NEBL: variants seen among roughly 807,000 people sequenced by gnomAD.
NEBL encodes LIM and SH3 protein 2.
Under a neutral mutation model 140.2 loss-of-function variants are expected in NEBL, and 122 were observed. That is an observed-to-expected ratio of 0.87 (90% CI 0.75 to 1.01). NEBL has a LOEUF of 1.01. NEBL is among the 50% of genes least tolerant of loss of function. The probability of loss-of-function intolerance (pLI) is 0.00; values close to 1 mark genes in which losing one functional copy is unlikely to be tolerated. For missense variants in NEBL, 1,365 were observed against 1,231.3 expected (o/e 1.11, Z -1.62); for synonymous variants, 436 against 398.9 (o/e 1.09, Z -1.11).
chr10:21,082,577 T>C (rs1564504819), intron 2 of NEBL, among the ~76,000 whole-genome samples: 1 of 126,706 alleles, frequency 7.9e-6, no homozygotes, highest in African/African-American at 3.4e-5. Context: ...TAAGACTGTG[T>C]AGAGAGAGTG....
At chr10:20,962,423 T>C (rs1254466067) in intron 3 of NEBL, among the ~76,000 whole-genome samples, 3 of 152,252 alleles carry the variant, frequency 2.0e-5, no homozygotes, top group Non-Finnish European at 4.4e-5. Flanking sequence ...AGGCCACACC[T>C]AGAGATTAAA....
At chr10:21,249,171 G>A (rs1842555589) in intron 2 of NEBL, among the ~76,000 whole-genome samples, 1 of 152,080 alleles carries the variant, frequency 6.6e-6, no homozygotes, top group African/African-American at 2.4e-5. Context: ...TTGAGTTACA[G>A]GCATGAGCAC....
chr10:20,945,607 G>C (rs1335157303), intron 4 of NEBL, among the ~76,000 whole-genome samples: 1 of 152,198 alleles, frequency 6.6e-6, no homozygotes, highest in Non-Finnish European at 1.5e-5. Flanking sequence ...GGGATGAGAA[G>C]AAAGTCTGGT....
intron 3 of NEBL, among the ~76,000 whole-genome samples, chr10:21,017,568 G>T (rs1392030628): frequency 6.6e-6 from 1 of 152,074 alleles, no homozygotes; most frequent in Non-Finnish European, 1.5e-5. Flanking sequence ...AATAAAATCG[G>T]CCATTCATAA....
chr10:21,110,760 T>C, intron 2 of NEBL: 1 of 514,742 alleles, frequency 1.9e-6, no homozygotes, highest in South Asian at 1.5e-5. Context: ...AAGTGGATAC[T>C]GATGAAAATG....
chr10:20,811,017 A>G (rs1029588755), intron 24 of NEBL, among the ~76,000 whole-genome samples: 2 of 152,186 alleles, frequency 1.3e-5, no homozygotes, highest in Non-Finnish European at 2.9e-5. Flanking sequence ...AAGCAGCACA[A>G]ATTGGCTTAA....
intron 3 of NEBL, among the ~76,000 whole-genome samples, chr10:21,236,569 G>A (rs1371217116): frequency 2.0e-5 from 3 of 151,932 alleles, no homozygotes; most frequent in African/African-American, 7.3e-5. Flanking sequence ...GGCTGGTCTC[G>A]AACTCCTGAC....
At chr10:21,017,025 G>A (rs1018944941) in intron 3 of NEBL, among the ~76,000 whole-genome samples, 3 of 152,112 alleles carry the variant, frequency 2.0e-5, no homozygotes, top group Admixed American at 2.0e-4. Context: ...ATCTTTTCTA[G>A]GTGCTCTCTG....
At chr10:21,058,258 C>G (rs1835119110) in intron 2 of NEBL, among the ~76,000 whole-genome samples, 1 of 152,180 alleles carries the variant, frequency 6.6e-6, no homozygotes, top group Non-Finnish European at 1.5e-5. Flanking sequence ...GTCCTGAGAG[C>G]ATAGCATTCT....
In NEBL at chr10:20,831,353, G is replaced by C. The variant is rs747271902; in HGVS notation, c.1561-47C>G. ...TTAGAGCTTTGCTTAAGCTTTAATAGCGATGTTGAAATTTACATGTTTGAA... is the reference window on the plus strand; with the variant it reads ...TTAGAGCTTTGCTTAAGCTTTAATACCGATGTTGAAATTTACATGTTTGAA... On this transcript the variant is annotated intron_variant, in intron 15 of 27. Transcript: ENST00000377122. 3.9e-6 allele frequency: 6 copies of C among 1,531,610 alleles called. No homozygotes were observed. The African/African-American group carries it at 8.2e-5, about 21-fold the overall frequency. The allele number at this position is 1,531,610 out of a possible 1,614,324, so 94.9% of individuals were successfully genotyped here. A position where few individuals can be genotyped will look rare whatever the true frequency, so the allele number is the denominator to read the frequency against.
chr10:20,843,758 C>T (rs1412860995), intron 12 of NEBL, among the ~76,000 whole-genome samples: 4 of 152,032 alleles, frequency 2.6e-5, no homozygotes, highest in Admixed American at 2.0e-4. Flanking sequence ...TATGTGTACA[C>T]AACATATTAT....
chr10:21,228,133 G>A (rs1396082741), intron 3 of NEBL, among the ~76,000 whole-genome samples: 2 of 151,112 alleles, frequency 1.3e-5, no homozygotes. Context: ...TCGAGTTGTT[G>A]TTGTTGCTAT....
At chr10:21,054,624 T>G (rs1480512188) in intron 2 of NEBL, among the ~76,000 whole-genome samples, 2 of 152,234 alleles carry the variant, frequency 1.3e-5, no homozygotes, top group Non-Finnish European at 2.9e-5. Flanking sequence ...TAAATTCTCT[T>G]GGATACAGAT....
intron 3 of NEBL, among the ~76,000 whole-genome samples, chr10:21,187,277 G>C (rs966016126): frequency 6.6e-6 from 1 of 151,842 alleles, no homozygotes; most frequent in East Asian, 1.9e-4. Context: ...TTTATAAATT[G>C]CCCAGTCTCA....
chr10:20,821,358 G>T (rs897831171), intron 19 of NEBL, among the ~76,000 whole-genome samples: 3 of 152,150 alleles, frequency 2.0e-5, no homozygotes, highest in Non-Finnish European at 4.4e-5. Context: ...TATACAACAA[G>T]TAAGATCTGG....
chr10:20,825,379 A>AG (rs1839740731), intron 18 of NEBL, among the ~76,000 whole-genome samples: 1 of 152,160 alleles, frequency 6.6e-6, no homozygotes. Flanking sequence ...TGTAACGGAA[A>AG]GGCACAGTAG....
At chr10:20,805,409 G>A (rs1450685921) in intron 26 of NEBL, among the ~76,000 whole-genome samples, 2 of 152,042 alleles carry the variant, frequency 1.3e-5, no homozygotes, top group Non-Finnish European at 2.9e-5. Flanking sequence ...TGTCACTTGT[G>A]TTTATGTTAT....
chr10:20,819,159 C>T lies in NEBL; in HGVS notation c.2055+265G>A, dbSNP rs1839025754. 8.1e-6 allele frequency: 7 copies of T among 859,068 alleles called. No homozygotes were observed. In the South Asian group the frequency reaches 1.1e-4, roughly 14 times the overall value. The allele number at this position is 859,068 out of a possible 1,614,324, so 53.2% of individuals were successfully genotyped here. On this transcript the variant is annotated intron_variant, in intron 20 of 27. Transcript: ENST00000377122. The stretch of plus-strand genomic sequence containing the variant: ...GAGTTTGTTGTACAGATGACTTCAT[C>T]ACCCCGGCATTAAGCCCAGTACTCA...
chr10:21,025,189 C>T (rs900639647), intron 2 of NEBL, among the ~76,000 whole-genome samples: 1 of 151,950 alleles, frequency 6.6e-6, no homozygotes, highest in Non-Finnish European at 1.5e-5. Flanking sequence ...TTGACACATT[C>T]ATAAGTTTCA....
Sources: gnomAD v4.1 joint callset for allele counts (sites outside exome capture counted in the v4.1 genomes callset) on GRCh38, gnomAD v4.1.1 for gene constraint, MANE v1.5 for transcripts, NCBI Gene and HGNC (gene_info 2026-07-23, HGNC 2026-07-21) for gene names.